The following CFAP20DC variants were observed in gnomAD, a reference collection of about 807,000 sequenced individuals.
CFAP20DC encodes the protein protein CFAP20DC.
In CFAP20DC, 84 loss-of-function variants were observed where a neutral mutation model predicts 101.7. The ratio of observed to expected loss-of-function variants is 0.83; its 90% CI spans 0.69 to 0.99. The LOEUF is 0.99. Among genes scored for constraint, CFAP20DC ranks in the 50% least tolerant of loss-of-function variants. CFAP20DC has a pLI of 0.00. For missense variants in CFAP20DC, 1,007 were observed against 970.3 expected (o/e 1.04, Z -0.50); for synonymous variants, 359 against 351.2 (o/e 1.02, Z -0.25).
downstream of CFAP20DC, among the ~76,000 whole-genome samples, chr3:58,738,353 C>A (rs59485712): frequency 0.082 from 12,543 of 152,096 alleles, 886 homozygotes; most frequent in East Asian, 0.35. The surrounding 1 kb of genome is among the most constrained non-coding windows in gnomAD (Gnocchi z 4.4). Context: ...CACCCCACCC[C>A]CAACAGGCCC....
At chr3:58,997,775 G>A (rs2093181350) in intron 4 of CFAP20DC, among the ~76,000 whole-genome samples, 1 of 152,172 alleles carries the variant, frequency 6.6e-6, no homozygotes, top group Non-Finnish European at 1.5e-5. Context: ...ATGCCCACAT[G>A]TCTTATTCTA....
At chr3:58,813,700 T>C (rs2074865630) in intron 14 of CFAP20DC, among the ~76,000 whole-genome samples, 1 of 151,966 alleles carries the variant, frequency 6.6e-6, no homozygotes, top group Non-Finnish European at 1.5e-5. Flanking sequence ...GAAGTGTTCC[T>C]TTAATTTAAA....
chr3:58,885,391 G>C (rs1368968041), intron 6 of CFAP20DC, among the ~76,000 whole-genome samples: 6 of 151,922 alleles, frequency 3.9e-5, no homozygotes, highest in Non-Finnish European at 8.8e-5. Flanking sequence ...CATATTCATA[G>C]TGATGTTTAC....
chr3:58,784,561 C>T (rs1411082363), intron 15 of CFAP20DC, among the ~76,000 whole-genome samples: 1 of 151,988 alleles, frequency 6.6e-6, no homozygotes, highest in African/African-American at 2.4e-5. Context: ...TTTATTCAGT[C>T]CACTGTTCAT....
chr3:58,760,195 C>T (rs1342116084), intron 15 of CFAP20DC, among the ~76,000 whole-genome samples: 1 of 152,118 alleles, frequency 6.6e-6, no homozygotes, highest in Non-Finnish European at 1.5e-5. Context: ...TTCTTTGTAT[C>T]CTCTTTTGTT....
chr3:58,972,519 C>G (rs1473938454), intron 4 of CFAP20DC, among the ~76,000 whole-genome samples: 1 of 152,126 alleles, frequency 6.6e-6, no homozygotes, highest in African/African-American at 2.4e-5. Context: ...GTGAAATACA[C>G]TGGTGCCATT....
intron 7 of CFAP20DC, among the ~76,000 whole-genome samples, chr3:58,876,822 C>A (rs1203824477): frequency 6.6e-6 from 1 of 152,122 alleles, no homozygotes; most frequent in Admixed American, 6.5e-5. Context: ...ATCTAACAAT[C>A]AAATTAGAAT....
intron 15 of CFAP20DC, among the ~76,000 whole-genome samples, chr3:58,794,853 C>T (rs758201085): frequency 1.3e-5 from 2 of 152,128 alleles, no homozygotes; most frequent in South Asian, 2.1e-4. Flanking sequence ...AAATACTCAT[C>T]GAGCGTTGCT....
At chr3:58,992,908 A>G (rs1451226981) in intron 4 of CFAP20DC, among the ~76,000 whole-genome samples, 1 of 152,086 alleles carries the variant, frequency 6.6e-6, no homozygotes, top group African/African-American at 2.4e-5. Context: ...TATTTAAAAT[A>G]AAAATACATA....
intron 15 of CFAP20DC, among the ~76,000 whole-genome samples, chr3:58,778,334 G>A (rs923738561): frequency 6.6e-6 from 1 of 152,110 alleles, no homozygotes; most frequent in Non-Finnish European, 1.5e-5. Context: ...TAGGGGGCTG[G>A]GAATCACCCA....
chr3:58,863,332 G>T lies in CFAP20DC; in HGVS notation c.1593+226C>A. 7.1e-7 allele frequency: 1 copy of T among 1,408,200 alleles called. No homozygotes were observed. The highest frequency in any genetic ancestry group is 9.2e-7 in the Non-Finnish European group (1 of 1,088,944). The allele number at this position is 1,408,200 out of a possible 1,614,324, so 87.2% of individuals were successfully genotyped here. ...AAAAACAGAAAGAAACCCAAAACTGGTTTCTATAAGTAAAAGTGAAATTGG... is the reference window on the plus strand; with the variant it reads ...AAAAACAGAAAGAAACCCAAAACTGTTTTCTATAAGTAAAAGTGAAATTGG... On this transcript the variant is annotated intron_variant, in intron 12 of 16. Transcript: ENST00000482387. The surrounding 1 kb of genome is among the most constrained non-coding windows in gnomAD (Gnocchi z 5.9).
At chr3:58,800,569 T>C (rs749901256) in intron 15 of CFAP20DC, among the ~76,000 whole-genome samples, 2 of 152,150 alleles carry the variant, frequency 1.3e-5, no homozygotes, top group Non-Finnish European at 2.9e-5. Flanking sequence ...CATAGATCAG[T>C]TTGGAATTCA....
downstream of CFAP20DC, chr3:58,741,931 G>A (rs1418945951): frequency 2.9e-5 from 9 of 310,244 alleles, no homozygotes; most frequent in Non-Finnish European, 4.2e-5. Context: ...TCTAAGAGTC[G>A]AAGAGAAGGA....
In CFAP20DC at chr3:58,963,190, TTGTGTGTGTGTGTGTGTGTG is replaced by T. The variant is rs56234919; in HGVS notation, c.279-25448_279-25429del. On this transcript the variant is annotated intron_variant, in intron 4 of 16. Transcript: ENST00000482387. ...ATACTTCTTCTCAAGGTTCAGTAGT[TTGTGTGTGTGTGTGTGTGTG>T]TGTGTGTGTGTGTGTGTGTGTGTGT... Among the ~76,000 whole-genome samples, 141 of 118,300 alleles carry T rather than the reference TTGTGTGTGTGTGTGTGTGTG, an allele frequency of 1.2e-3. 1 individual carries two copies. Among genetic ancestry groups the T allele is most frequent in the African/African-American group, 3.7e-3 (124 of 33,078 alleles). The allele number at this position is 118,300 out of a possible 152,430, so 77.6% of individuals were successfully genotyped here. A position where few individuals can be genotyped will look rare whatever the true frequency, so the allele number is the denominator to read the frequency against.
chr3:58,844,603 C>T (rs1452539672), intron 13 of CFAP20DC, among the ~76,000 whole-genome samples: 2 of 117,412 alleles, frequency 1.7e-5, no homozygotes, highest in African/African-American at 8.7e-5. Context: ...GACAGATCAA[C>T]GAGACAGAAA....
intron 13 of CFAP20DC, 128 bp from the exon 14 acceptor site, chr3:58,832,017 C>A: frequency 1.4e-6 from 1 of 705,864 alleles, no homozygotes; most frequent in South Asian, 1.7e-5. Context: ...TAACATGCCT[C>A]CATGCGCTAC....
At chr3:58,883,427 T>C (rs1240326772) in intron 7 of CFAP20DC, among the ~76,000 whole-genome samples, 2 of 152,200 alleles carry the variant, frequency 1.3e-5, no homozygotes, top group African/African-American at 2.4e-5. Flanking sequence ...ATTTCTCTTG[T>C]ATTCTTCTAA....
At chr3:59,008,191 A>T (rs982132763) in intron 4 of CFAP20DC, among the ~76,000 whole-genome samples, 9 of 152,194 alleles carry the variant, frequency 5.9e-5, no homozygotes, top group African/African-American at 2.2e-4. Flanking sequence ...TACTTGGAAC[A>T]TCAACATTCC....
chr3:58,804,835 C>T (rs2073945938), intron 15 of CFAP20DC, among the ~76,000 whole-genome samples: 1 of 152,192 alleles, frequency 6.6e-6, no homozygotes, highest in Admixed American at 6.5e-5. Context: ...AAAATACCTT[C>T]TTATATATAT....
Sources: gnomAD v4.1 joint callset for allele counts (sites outside exome capture counted in the v4.1 genomes callset) on GRCh38, gnomAD v4.1.1 for gene constraint, Gnocchi (gnomAD v3.1) non-coding constraint, MANE v1.5 for transcripts, NCBI Gene and HGNC (gene_info 2026-07-23, HGNC 2026-07-21) for gene names.